KIF13A: variants seen among roughly 807,000 people sequenced by gnomAD.
The protein encoded by KIF13A is kinesin-like protein KIF13A.
KIF13A carries 79 observed loss-of-function variants against 212.2 expected under a neutral mutation model. The observed-to-expected ratio is 0.37, with a 90% CI of 0.31 to 0.45. The LOEUF is 0.45. Ranked by LOEUF, KIF13A falls within the 20% of genes least tolerant of loss-of-function variation. The probability of loss-of-function intolerance (pLI) is 1.00; values close to 1 mark genes in which losing one functional copy is unlikely to be tolerated. For missense variants in KIF13A, 1,901 were observed against 2,209.0 expected, an observed-to-expected ratio of 0.86 and a Z score of 2.79; for synonymous variants, 789 against 808.6, an observed-to-expected ratio of 0.98 and a Z score of 0.41.
At chr6:17,779,518 C>G (rs555250143) in intron 32 of KIF13A, 74 bp downstream of exon 32, 214 of 623,026 alleles carry the variant, frequency 3.4e-4, no homozygotes, top group Non-Finnish European at 5.9e-4. Context: ...GTGATCCACC[C>G]GCCTCGGCCT....
At chr6:17,831,305 A>G (rs1364585521) in intron 12 of KIF13A, 70 bp from the exon 13 acceptor site, 4 of 1,540,318 alleles carry the variant, frequency 2.6e-6, no homozygotes, top group South Asian at 1.2e-5. Context: ...ATCCACGGAA[A>G]GAGTAAGTCA....
intron 2 of KIF13A, among the ~76,000 whole-genome samples, chr6:17,929,059 C>CAAAAAAAAAAAAAAAAAAAAAAAAAAAAA (rs375511285): frequency 5.5e-5 from 2 of 36,696 alleles, no homozygotes; most frequent in Admixed American, 2.6e-4. Flanking sequence ...AAGAATTTCT[C>CAAAAAAAAAAAAAAAAAAAAAAAAAAAAA]AAAAAAAAAA....
chr6:17,908,865 A>G (rs1172297478), intron 2 of KIF13A, among the ~76,000 whole-genome samples: 1 of 152,178 alleles, frequency 6.6e-6, no homozygotes, highest in Non-Finnish European at 1.5e-5. Context: ...ATTCTACAAG[A>G]TATAATGAAG....
At chr6:17,836,132 C>A (rs1482296939) in intron 11 of KIF13A, among the ~76,000 whole-genome samples, 1 of 152,066 alleles carries the variant, frequency 6.6e-6, no homozygotes. Context: ...TTCAGTAAAG[C>A]CAAAGAAAGA....
intron 16 of KIF13A, among the ~76,000 whole-genome samples, chr6:17,819,036 G>A (rs1764200681): frequency 8.2e-6 from 1 of 122,518 alleles, no homozygotes; most frequent in South Asian, 2.6e-4. Context: ...GTTTCGCTCT[G>A]TTGCCCGGGC....
At chr6:17,930,401 T>C (rs1332295718) in intron 2 of KIF13A, among the ~76,000 whole-genome samples, 1 of 152,184 alleles carries the variant, frequency 6.6e-6, no homozygotes, top group Non-Finnish European at 1.5e-5. Flanking sequence ...AGGTGATAAA[T>C]CATTTTTTAA....
chr6:17,908,684 A>C (rs895397157), intron 2 of KIF13A, among the ~76,000 whole-genome samples: 3 of 152,152 alleles, frequency 2.0e-5, no homozygotes, highest in Non-Finnish European at 2.9e-5. Flanking sequence ...TAAAAAAAAA[A>C]AACCCTGTTT....
intron 2 of KIF13A, among the ~76,000 whole-genome samples, chr6:17,928,258 G>A (rs7757011): frequency 0.72 from 109,504 of 152,112 alleles, 39,981 homozygotes; most frequent in South Asian, 0.83. Flanking sequence ...TAGCGTAGGT[G>A]TTTTGTGTGA....
At position 17,968,459 on chromosome 6, in the gene KIF13A, C is replaced by T. The variant is rs1277680835; in HGVS notation, c.146+18595G>A. On this transcript the variant is annotated intron_variant, in intron 2 of 38. Coordinates refer to ENST00000259711, the MANE Select transcript of KIF13A (RefSeq NM_022113.6). This position sits in a 1 kb window ranked among gnomAD's most constrained non-coding sequence, Gnocchi z 4.7. ...CAGGTTGGTGTAGGGTCCATTCATC[C>T]AGTCTGGGACCACACACCACCTCTG... Among the ~76,000 whole-genome samples the T allele has an allele frequency of 6.6e-6, 1 of 152,156 alleles. No homozygotes were observed. Among genetic ancestry groups the T allele is most frequent in the Non-Finnish European group, 1.5e-5 (1 of 68,034 alleles).
At position 17,984,581 on chromosome 6, in the gene KIF13A, A is replaced by G; in HGVS notation, c.146+2473T>C. 1.2e-5 allele frequency: 12 copies of G among 977,184 alleles called. No homozygotes were observed. Among genetic ancestry groups the G allele is most frequent in the African/African-American group, 1.8e-5 (1 of 56,424 alleles). The allele number at this position is 977,184 out of a possible 1,614,324, so 60.5% of individuals were successfully genotyped here. The stretch of plus-strand genomic sequence containing the variant: ...TGGGGAAACAATGAAAGCTGACCCC[A>G]TCTGTTTTTTTTTTTTTTCCCTGGA... On this transcript the variant is annotated intron_variant, in intron 2 of 38. Coordinates refer to ENST00000259711, the MANE Select transcript of KIF13A (RefSeq NM_022113.6). The surrounding 1 kb of genome is among the most constrained non-coding windows in gnomAD (Gnocchi z 5.0).
At chr6:17,884,016 T>G (rs1202826329) in intron 3 of KIF13A, among the ~76,000 whole-genome samples, 1 of 151,752 alleles carries the variant, frequency 6.6e-6, no homozygotes, top group Non-Finnish European at 1.5e-5. Context: ...TATGAGGGAA[T>G]TTCTCCTTCC....
intron 14 of KIF13A, among the ~76,000 whole-genome samples, chr6:17,827,171 T>C (rs931384233): frequency 6.6e-6 from 1 of 152,186 alleles, no homozygotes; most frequent in Admixed American, 6.5e-5. Context: ...TACGACTCAC[T>C]ACAGCCTCAA....
intron 11 of KIF13A, among the ~76,000 whole-genome samples, chr6:17,835,195 CAAAAAAAAAAAAAAAAAAAAAAA>C (rs61697144): frequency 0.053 from 2,415 of 45,950 alleles, 41 homozygotes; most frequent in East Asian, 0.13. Flanking sequence ...CCGCCCCCGC[CAAAAAAAAAAAAAAAAAAAAAAA>C]AAAAAAAAAA....
downstream of KIF13A, among the ~76,000 whole-genome samples, chr6:17,762,494 G>A (rs558124357): frequency 6.6e-6 from 1 of 152,280 alleles, no homozygotes; most frequent in Non-Finnish European, 1.5e-5. Context: ...TTACAGGCAT[G>A]AGCCACCATA....
At chr6:17,827,086 T>A (rs959866080) in intron 14 of KIF13A, among the ~76,000 whole-genome samples, 1 of 151,362 alleles carries the variant, frequency 6.6e-6, no homozygotes. Flanking sequence ...AAAAAATAAA[T>A]AAATAAAATA....
intron 23 of KIF13A, among the ~76,000 whole-genome samples, chr6:17,795,381 G>A (rs1310414137): frequency 1.3e-5 from 2 of 149,296 alleles, no homozygotes; most frequent in African/African-American, 2.5e-5. Context: ...TCAGGAGTTC[G>A]AGACCAGCCT....
At position 17,947,856 on chromosome 6, in the gene KIF13A, G is replaced by A. The variant is rs982532715; in HGVS notation, c.146+39198C>T. On this transcript the variant is annotated intron_variant, in intron 2 of 38. Coordinates refer to ENST00000259711, the MANE Select transcript of KIF13A (RefSeq NM_022113.6). The surrounding 1 kb of genome is among the most constrained non-coding windows in gnomAD (Gnocchi z 4.6). ...AACTCTGCTCAAAAAAAAAAAGAAA[G>A]CACACCAAGTATTAAGGGCTAAAGG... is the stretch of plus-strand genomic sequence containing the variant. Among the ~76,000 whole-genome samples the A allele has an allele frequency of 1.3e-5, 2 of 151,554 alleles. No homozygotes were observed. Among genetic ancestry groups the A allele is most frequent in the Non-Finnish European group, 2.9e-5 (2 of 67,874 alleles).
chr6:17,916,402 G>A (rs146843488), intron 2 of KIF13A, among the ~76,000 whole-genome samples: 2 of 152,308 alleles, frequency 1.3e-5, no homozygotes, highest in Non-Finnish European at 2.9e-5. Context: ...CCTTCCCAGA[G>A]CAGAATTCAC....
At chr6:17,796,939 C>T in intron 22 of KIF13A, 119 bp from the exon 23 acceptor site, 1 of 515,792 alleles carries the variant, frequency 1.9e-6, no homozygotes, top group Middle Eastern at 4.2e-4. Flanking sequence ...GACCTTAAAT[C>T]CGTCTCTTCT....
Sources: allele counts gnomAD v4.1 joint callset (sites outside exome capture counted in the v4.1 genomes callset), GRCh38; gene constraint gnomAD v4.1.1; non-coding constraint Gnocchi (gnomAD v3.1); transcripts MANE v1.5; gene names NCBI Gene and HGNC (gene_info 2026-07-23, HGNC 2026-07-21).